Variants in ARHGAP24 observed in about 807,000 individuals in gnomAD.
The protein encoded by ARHGAP24 is rho GTPase-activating protein 24.
A neutral mutation model predicts 76.4 loss-of-function variants in ARHGAP24; 50 were observed. The ratio of observed to expected loss-of-function variants is 0.65; its 90% CI spans 0.52 to 0.83. The LOEUF (loss-of-function observed/expected upper bound fraction) is 0.83, where lower values mean the gene tolerates loss of function less well. ARHGAP24 is among the 40% of genes least tolerant of loss of function. ARHGAP24 has a pLI of 0.00. For synonymous variants in ARHGAP24, 345 were observed against 323.3 expected, an observed-to-expected ratio of 1.07 and a Z score of -0.72; for missense variants, 930 against 914.2, an observed-to-expected ratio of 1.02 and a Z score of -0.22.
chr4:85,872,487 G>C (rs1261232344), intron 3 of ARHGAP24, among the ~76,000 whole-genome samples: 2 of 151,206 alleles, frequency 1.3e-5, no homozygotes, highest in African/African-American at 4.9e-5. Flanking sequence ...GTAGAGACAG[G>C]GTTTCACCAT....
intron 3 of ARHGAP24, among the ~76,000 whole-genome samples, chr4:85,765,911 T>G (rs1021284671): frequency 6.6e-6 from 1 of 152,160 alleles, no homozygotes; most frequent in African/African-American, 2.4e-5. Flanking sequence ...TGCATAGTTG[T>G]TTTTTGCTTT....
At chr4:85,677,577 G>A (rs1723028991) in intron 2 of ARHGAP24, among the ~76,000 whole-genome samples, 1 of 152,202 alleles carries the variant, frequency 6.6e-6, no homozygotes, top group Non-Finnish European at 1.5e-5. Context: ...TAACATTTCA[G>A]TGGTAAAATT....
At chr4:85,616,106 G>A (rs1395273351) in intron 2 of ARHGAP24, among the ~76,000 whole-genome samples, 3 of 152,144 alleles carry the variant, frequency 2.0e-5, no homozygotes, top group Non-Finnish European at 4.4e-5. Context: ...CTACCTTCAT[G>A]GGAAGAGAAA....
At chr4:85,759,924 G>C (rs972999635) in intron 3 of ARHGAP24, among the ~76,000 whole-genome samples, 2 of 152,122 alleles carry the variant, frequency 1.3e-5, no homozygotes, top group African/African-American at 4.8e-5. Flanking sequence ...AGTCAACTCA[G>C]AGATGGAGAC....
At chr4:85,843,301 C>T (rs1560665986) in intron 3 of ARHGAP24, among the ~76,000 whole-genome samples, 1 of 152,090 alleles carries the variant, frequency 6.6e-6, no homozygotes, top group Middle Eastern at 3.4e-3. Flanking sequence ...GATCATGAGT[C>T]GGGAGGTCTG....
At chr4:85,657,804 G>C (rs537956130) in intron 2 of ARHGAP24, among the ~76,000 whole-genome samples, 1 of 152,338 alleles carries the variant, frequency 6.6e-6, no homozygotes, top group Non-Finnish European at 1.5e-5. Context: ...AGCCAGGCTG[G>C]AGTGCAGCGG....
chr4:85,859,863 T>C (rs947999360), intron 3 of ARHGAP24, among the ~76,000 whole-genome samples: 1 of 152,036 alleles, frequency 6.6e-6, no homozygotes, highest in Non-Finnish European at 1.5e-5. Flanking sequence ...TATGTTTCAG[T>C]CTCCAGGGTA....
intron 3 of ARHGAP24, among the ~76,000 whole-genome samples, chr4:85,829,473 T>C (rs1729881484): frequency 6.6e-6 from 1 of 152,220 alleles, no homozygotes; most frequent in African/African-American, 2.4e-5. Flanking sequence ...TTCCTTGCTT[T>C]CAGACTCTAT....
At chr4:85,834,706 T>TA (rs1413577506) in intron 3 of ARHGAP24, among the ~76,000 whole-genome samples, 3 of 152,178 alleles carry the variant, frequency 2.0e-5, no homozygotes, top group Non-Finnish European at 4.4e-5. Flanking sequence ...CCATTAATCT[T>TA]AAAGAAATGC....
intron 5 of ARHGAP24, among the ~76,000 whole-genome samples, chr4:85,966,079 GGCTGTCTTTTTGGCTTGCAGATA>G: frequency 6.6e-6 from 1 of 152,230 alleles, no homozygotes; most frequent in East Asian, 1.9e-4. Flanking sequence ...CTCTGGTGAA[GGCTGTCTTTTTGGCTTGCAGATA>G]ACTGTCTCTG....
chr4:85,924,059 T>TA (rs1325781596), intron 4 of ARHGAP24, among the ~76,000 whole-genome samples: 1 of 152,102 alleles, frequency 6.6e-6, no homozygotes, highest in Non-Finnish European at 1.5e-5. Flanking sequence ...AATACACTGT[T>TA]ATGGGACTCA....
At chr4:85,782,012 G>C (rs1727579189) in intron 3 of ARHGAP24, among the ~76,000 whole-genome samples, 1 of 139,794 alleles carries the variant, frequency 7.2e-6, no homozygotes, top group Non-Finnish European at 1.5e-5. Context: ...ACTCCAATAT[G>C]GGCAACAGAG....
chr4:85,626,991 A>G (rs1346451607), intron 2 of ARHGAP24, among the ~76,000 whole-genome samples: 1 of 151,984 alleles, frequency 6.6e-6, no homozygotes, highest in African/African-American at 2.4e-5. Flanking sequence ...TTTTTTTCAA[A>G]GCTTTTAACT....
chr4:85,886,733 T>A (rs1340306646), intron 3 of ARHGAP24, among the ~76,000 whole-genome samples: 2 of 152,150 alleles, frequency 1.3e-5, no homozygotes, highest in African/African-American at 4.8e-5. Flanking sequence ...TGATGCTAGA[T>A]CATATCCATT....
intron 3 of ARHGAP24, among the ~76,000 whole-genome samples, chr4:85,774,090 T>C (rs1011235509): frequency 6.6e-6 from 1 of 152,132 alleles, no homozygotes; most frequent in Non-Finnish European, 1.5e-5. Context: ...GCCATTCTCT[T>C]CCTAACAAAG....
chr4:85,880,684 A>G (rs1194759797), intron 3 of ARHGAP24, among the ~76,000 whole-genome samples: 2 of 151,950 alleles, frequency 1.3e-5, no homozygotes, highest in Non-Finnish European at 2.9e-5. Flanking sequence ...GCCCAACATC[A>G]CGCCCGGCTA....
intron 2 of ARHGAP24, among the ~76,000 whole-genome samples, chr4:85,594,292 G>T (rs901144253): frequency 1.1e-4 from 17 of 151,820 alleles, no homozygotes; most frequent in Admixed American, 5.3e-4. Flanking sequence ...ATTTTTGTTT[G>T]TTGATTTTGT....
intron 2 of ARHGAP24, among the ~76,000 whole-genome samples, chr4:85,582,307 C>A (rs1727646726): frequency 6.6e-6 from 1 of 152,010 alleles, no homozygotes. Flanking sequence ...AATAATGACA[C>A]TATGGCTTAT....
At chr4:85,777,419 G>C (rs901648566) in intron 3 of ARHGAP24, among the ~76,000 whole-genome samples, 1 of 152,170 alleles carries the variant, frequency 6.6e-6, no homozygotes, top group African/African-American at 2.4e-5. Flanking sequence ...GAATTGCAAA[G>C]TGTAAAGAAG....
Sources: allele counts gnomAD v4.1 joint callset (sites outside exome capture counted in the v4.1 genomes callset), GRCh38; gene constraint gnomAD v4.1.1; transcripts MANE v1.5; gene names NCBI Gene and HGNC (gene_info 2026-07-23, HGNC 2026-07-21).